Variants in FBXL7 observed in about 807,000 individuals in gnomAD.
FBXL7 encodes F-box and leucine rich repeat protein 7, also known as F-box/LRR-repeat protein 7.
In FBXL7, 12 loss-of-function variants were observed where a neutral mutation model predicts 38.3. The observed-to-expected ratio is 0.31, with a 90% CI of 0.20 to 0.51. FBXL7 has a LOEUF of 0.51. Ranked by LOEUF, FBXL7 falls within the 20% of genes least tolerant of loss-of-function variation. FBXL7 has a pLI of 0.98. For synonymous variants in FBXL7, 297 were observed against 300.9 expected (o/e 0.99, Z 0.13); for missense variants, 567 against 676.4 (o/e 0.84, Z 1.79).
chr5:15,545,737 T>G (rs1245497673), intron 1 of FBXL7, among the ~76,000 whole-genome samples: 2 of 152,256 alleles, frequency 1.3e-5, no homozygotes, highest in African/African-American at 4.8e-5. Flanking sequence ...AAATTTATAG[T>G]CATGAAATAC....
intron 1 of FBXL7, among the ~76,000 whole-genome samples, chr5:15,512,440 T>G (rs1156838010): frequency 6.6e-6 from 1 of 152,230 alleles, no homozygotes; most frequent in African/African-American, 2.4e-5. Context: ...TTTTGTTAAA[T>G]GAATAAATAA....
chr5:15,705,782 T>C (rs1053760135), intron 2 of FBXL7, among the ~76,000 whole-genome samples: 5 of 152,122 alleles, frequency 3.3e-5, no homozygotes, highest in African/African-American at 4.8e-5. Flanking sequence ...GATAGGTGTA[T>C]TTCCTACCCA....
intron 2 of FBXL7, among the ~76,000 whole-genome samples, chr5:15,650,280 A>G (rs1227647292): frequency 1.3e-5 from 2 of 152,270 alleles, no homozygotes; most frequent in Admixed American, 6.5e-5. Context: ...TGTTTACACT[A>G]TACTGTAGTC....
At chr5:15,579,040 A>G (rs190312519) in intron 1 of FBXL7, among the ~76,000 whole-genome samples, 7 of 152,292 alleles carry the variant, frequency 4.6e-5, no homozygotes, top group African/African-American at 1.4e-4. Flanking sequence ...TTAATGTGCT[A>G]TTTGGGTGAG....
intron 2 of FBXL7, among the ~76,000 whole-genome samples, chr5:15,656,099 C>T (rs1375858691): frequency 6.6e-6 from 1 of 152,156 alleles, no homozygotes; most frequent in Non-Finnish European, 1.5e-5. Context: ...CTGTTGAGCT[C>T]ATGATCAACT....
At chr5:15,827,134 T>C (rs1312032702) in intron 2 of FBXL7, among the ~76,000 whole-genome samples, 6 of 152,184 alleles carry the variant, frequency 3.9e-5, no homozygotes, top group African/African-American at 1.2e-4. Context: ...AATTTGGAGA[T>C]GCATCACCCT....
chr5:15,716,183 A>G (rs977750162), intron 2 of FBXL7, among the ~76,000 whole-genome samples: 1 of 152,192 alleles, frequency 6.6e-6, no homozygotes, highest in Non-Finnish European at 1.5e-5. Flanking sequence ...TCTATTGTTT[A>G]TCCTTACTCC....
chr5:15,796,768 A>G (rs983092608), intron 2 of FBXL7, among the ~76,000 whole-genome samples: 2 of 152,174 alleles, frequency 1.3e-5, no homozygotes, highest in Non-Finnish European at 2.9e-5. Context: ...TGTGAGGCCA[A>G]TAAGGATTAC....
At chr5:15,799,693 A>T (rs1181286651) in intron 2 of FBXL7, among the ~76,000 whole-genome samples, 2 of 152,302 alleles carry the variant, frequency 1.3e-5, no homozygotes, top group East Asian at 3.9e-4. Flanking sequence ...AAAAGGTCAC[A>T]ATGCTGAGGG....
At chr5:15,810,418 A>G (rs1004618178) in intron 2 of FBXL7, among the ~76,000 whole-genome samples, 7 of 152,044 alleles carry the variant, frequency 4.6e-5, no homozygotes, top group African/African-American at 1.7e-4. Flanking sequence ...AAAACCAGCC[A>G]GGCGTGGTGG....
chr5:15,838,301 G>A (rs2126780737), intron 2 of FBXL7, among the ~76,000 whole-genome samples: 1 of 152,256 alleles, frequency 6.6e-6, no homozygotes, highest in East Asian at 1.9e-4. Flanking sequence ...GCGTTGGCAG[G>A]TTCAGTGCCT....
chr5:15,505,771 A>T (rs1276591733), intron 1 of FBXL7, among the ~76,000 whole-genome samples: 1 of 152,152 alleles, frequency 6.6e-6, no homozygotes, highest in Non-Finnish European at 1.5e-5. Context: ...AGCTTTGAGG[A>T]TCCAGGTAGC....
At chr5:15,797,718 G>C (rs1008366958) in intron 2 of FBXL7, among the ~76,000 whole-genome samples, 3 of 152,158 alleles carry the variant, frequency 2.0e-5, no homozygotes, top group Non-Finnish European at 2.9e-5. Context: ...TTCTTTGAAT[G>C]GTTACATGTT....
intron 2 of FBXL7, among the ~76,000 whole-genome samples, chr5:15,788,527 G>A (rs1737190002): frequency 6.6e-6 from 1 of 152,088 alleles, no homozygotes; most frequent in African/African-American, 2.4e-5. Flanking sequence ...TTGTGTCAGG[G>A]CCTATAAGGG....
At chr5:15,771,078 T>C (rs1247268743) in intron 2 of FBXL7, among the ~76,000 whole-genome samples, 1 of 152,218 alleles carries the variant, frequency 6.6e-6, no homozygotes, top group Admixed American at 6.5e-5. Flanking sequence ...TTCCCTGTTT[T>C]GCAGTTAAGC....
chr5:15,758,808 C>T (rs938325850), intron 2 of FBXL7, among the ~76,000 whole-genome samples: 2 of 151,966 alleles, frequency 1.3e-5, no homozygotes, highest in African/African-American at 4.8e-5. Context: ...ACTCGAATTG[C>T]TTCTCTATTA....
At chr5:15,702,773 C>T (rs1199924680) in intron 2 of FBXL7, among the ~76,000 whole-genome samples, 1 of 152,012 alleles carries the variant, frequency 6.6e-6, no homozygotes, top group Non-Finnish European at 1.5e-5. Flanking sequence ...ACCAAACAGG[C>T]TTTGTGTGAG....
intron 2 of FBXL7, among the ~76,000 whole-genome samples, chr5:15,846,823 A>G (rs570081065): frequency 2.6e-5 from 4 of 152,332 alleles, no homozygotes; most frequent in Admixed American, 2.0e-4. Flanking sequence ...AACAAAATAA[A>G]TGACCATTTA....
intron 2 of FBXL7, among the ~76,000 whole-genome samples, chr5:15,669,644 G>T (rs889812794): frequency 2.6e-5 from 4 of 152,026 alleles, no homozygotes; most frequent in African/African-American, 9.7e-5. Context: ...AGCTCCTTCC[G>T]TATTCTTCCT....
Sources: gnomAD v4.1 joint callset for allele counts (sites outside exome capture counted in the v4.1 genomes callset) on GRCh38, gnomAD v4.1.1 for gene constraint, MANE v1.5 for transcripts, NCBI Gene and HGNC (gene_info 2026-07-23, HGNC 2026-07-21) for gene names.